The following PCDHGA2 variants were observed in gnomAD, a reference collection of about 807,000 sequenced individuals.
PCDHGA2 encodes the protein protocadherin gamma-A2.
PCDHGA2 carries 40 observed loss-of-function variants against 59.2 expected under a neutral mutation model. The observed-to-expected ratio is 0.68, with a 90% CI of 0.52 to 0.88. PCDHGA2 has a LOEUF of 0.88. PCDHGA2 is among the 40% of genes least tolerant of loss of function. The probability of loss-of-function intolerance (pLI) is 0.00; values close to 1 mark genes in which losing one functional copy is unlikely to be tolerated. For synonymous variants in PCDHGA2, 560 were observed against 526.0 expected (o/e 1.06, Z -0.89); for missense variants, 1,226 against 1,204.0 (o/e 1.02, Z -0.27).
Position 141,393,949 on chromosome 5 carries a change from A to G in PCDHGA2, c.2424+52554A>G, listed in dbSNP as rs370166968. 2.5e-6 allele frequency: 4 copies of G among 1,613,874 alleles called. No individual in the cohort carries two copies. The highest frequency in any genetic ancestry group is 3.4e-6 in the Non-Finnish European group (4 of 1,179,890). Reference sequence around the variant, plus strand: ...GTGCATGACCAAGACTCTGGAAAGAATGGTCAAGTTGTCTGTTACACACGT... The same window carrying G: ...GTGCATGACCAAGACTCTGGAAAGAGTGGTCAAGTTGTCTGTTACACACGT... On this transcript the variant is annotated intron_variant, in intron 1 of 3. Coordinates refer to ENST00000394576, the MANE Select transcript of PCDHGA2 (RefSeq NM_018915.4).
intron 1 of PCDHGA2, chr5:141,377,300 T>A (rs929187277): frequency 3.3e-5 from 5 of 152,140 alleles, no homozygotes; most frequent in Admixed American, 2.6e-4. Flanking sequence ...TTTAGGTCAG[T>A]GTTAAAGATC....
intron 1 of PCDHGA2, among the ~76,000 whole-genome samples, chr5:141,481,749 C>G (rs958851030): frequency 7.9e-5 from 12 of 151,976 alleles, no homozygotes; most frequent in African/African-American, 2.9e-4. Context: ...GTCAGGAGTC[C>G]AAGACCAGCC....
At chr5:141,341,756 G>T in intron 1 of PCDHGA2, 1 of 397,388 alleles carries the variant, frequency 2.5e-6, no homozygotes. Flanking sequence ...AAAGATTGGA[G>T]TTTATGTTTA....
intron 1 of PCDHGA2, chr5:141,479,750 G>T: frequency 6.6e-6 from 1 of 152,310 alleles, no homozygotes. Context: ...CAATGTGAAA[G>T]GTAGATAAAT....
At chr5:141,386,956 G>A (rs1561613070) in intron 1 of PCDHGA2, among the ~76,000 whole-genome samples, 1 of 152,208 alleles carries the variant, frequency 6.6e-6, no homozygotes, top group Non-Finnish European at 1.5e-5. Context: ...CTTCAGTGCA[G>A]CAGATCTCAG....
chr5:141,404,838 C>T (rs1561696680), intron 1 of PCDHGA2: 1 of 1,613,850 alleles, frequency 6.2e-7, no homozygotes, highest in East Asian at 2.2e-5. Flanking sequence ...GTGCGCACAG[C>T]TCGGGCCCTG....
intron 1 of PCDHGA2, chr5:141,365,145 G>C (rs754518751): frequency 6.2e-7 from 1 of 1,613,864 alleles, no homozygotes; most frequent in Admixed American, 1.7e-5. Context: ...CCAGATGAGG[G>C]AATAAACGGG....
chr5:141,385,264 G>T (rs879420336), intron 1 of PCDHGA2: 21 of 1,613,712 alleles, frequency 1.3e-5, no homozygotes, highest in Non-Finnish European at 1.6e-5. Flanking sequence ...TGAGAAAAAT[G>T]ATTCTTTGCT....
In PCDHGA2 at chr5:141,399,103, C is replaced by G. The variant is rs376000100; in HGVS notation, c.2424+57708C>G. The G allele has an allele frequency of 1.6e-5, 26 of 1,613,722 alleles. No homozygotes were observed. The South Asian group carries it at 2.9e-4, about 18-fold the overall frequency. On this transcript the variant is annotated intron_variant, in intron 1 of 3. Transcript: ENST00000394576. ...GAGGGATGGTGGTGGACTGGTTGCA[C>G]AATGTACAGTTGAAATTAATATTCA... is the stretch of plus-strand genomic sequence containing the variant.
intron 1 of PCDHGA2, chr5:141,433,041 C>G (rs1171788078): frequency 6.2e-7 from 1 of 1,614,036 alleles, no homozygotes; most frequent in Non-Finnish European, 8.5e-7. Flanking sequence ...TCCCTCACCA[C>G]GGACTCGCGG....
intron 1 of PCDHGA2, among the ~76,000 whole-genome samples, chr5:141,460,003 A>AG (rs1177398494): frequency 6.6e-6 from 1 of 152,186 alleles, no homozygotes; most frequent in African/African-American, 2.4e-5. Context: ...GCTTGAACCC[A>AG]GGAGGCGGAG....
intron 1 of PCDHGA2, chr5:141,405,448 C>A: frequency 5.3e-6 from 7 of 1,314,660 alleles, no homozygotes; most frequent in South Asian, 1.3e-5. Context: ...GAGACAGAGT[C>A]TTACTCTGTT....
chr5:141,352,327 T>G, intron 1 of PCDHGA2: 2 of 1,614,074 alleles, frequency 1.2e-6, no homozygotes, highest in Middle Eastern at 1.6e-4. Flanking sequence ...TTTACCTGGT[T>G]GTGGCCTTGG....
intron 1 of PCDHGA2, chr5:141,382,673 A>G: frequency 2.3e-6 from 1 of 437,012 alleles, no homozygotes; most frequent in Non-Finnish European, 4.0e-6. Context: ...GCCGCTGTTC[A>G]CCAACCAGGG....
rs991775237 is a variant in PCDHGA2 at position 141,339,518 on chromosome 5, C to A, written c.547C>A (p.Arg183=). 7.4e-6 allele frequency: 12 copies of A among 1,614,084 alleles called. No homozygotes were observed. Among genetic ancestry groups the A allele is most frequent in the Non-Finnish European group, 9.3e-6 (11 of 1,180,020 alleles). ...AAATGACCACTTCTCCCTGGACGTG[C>A]GAAGGGGAGCTGATGGGAACAAGTA... is the stretch of plus-strand genomic sequence containing the variant. ...NPNDHFSLDV[R]RGADGNKYPE... is the part of the protein sequence containing the mutation. Residue 183 remains arginine, a synonymous_variant, in exon 1 of 4, where the codon CGA becomes AGA. Coordinates refer to ENST00000394576, the MANE Select transcript of PCDHGA2 (RefSeq NM_018915.4).
Position 141,432,563 on chromosome 5 carries a change from G to T in PCDHGA2, c.2425-62244G>T. 2 of 1,613,912 alleles carry T rather than the reference G, an allele frequency of 1.2e-6. No homozygotes were observed. Among genetic ancestry groups the T allele is most frequent in the Non-Finnish European group, 1.7e-6 (2 of 1,179,996 alleles). The stretch of plus-strand genomic sequence containing the variant: ...GGTGGACAGAGACTCCGGCCAGAAC[G>T]CCTGGCTGTCCTACCGTCTGCTCAA... On this transcript the variant is annotated intron_variant, in intron 1 of 3. Transcript: ENST00000394576. The surrounding 1 kb of genome is among the most constrained non-coding windows in gnomAD (Gnocchi z 6.0).
In PCDHGA2 at chr5:141,415,309, G is replaced by C. The variant is rs199689792; in HGVS notation, c.2424+73914G>C. 3.4e-5 allele frequency: 55 copies of C among 1,614,098 alleles called. No homozygotes were observed. Among genetic ancestry groups the C allele is most frequent in the Middle Eastern group, 1.6e-4 (1 of 6,084 alleles). On this transcript the variant is annotated intron_variant, in intron 1 of 3. Transcript: ENST00000394576. ...GGTCTCCTGCGTCTTCCTGGCCTTC[G>C]TCATCGTGCTGCTGGCGCACAGGCT...
chr5:141,374,117 G>C, intron 1 of PCDHGA2: 2 of 1,587,566 alleles, frequency 1.3e-6, no homozygotes, highest in Non-Finnish European at 1.7e-6. Context: ...GCAGCGCAGC[G>C]AGCAGGTCCT....
intron 1 of PCDHGA2, chr5:141,345,504 T>C (rs1423461446): frequency 1.9e-6 from 3 of 1,614,130 alleles, no homozygotes; most frequent in East Asian, 2.2e-5. Context: ...CACTTATGCA[T>C]TGACCGAGGA....
Sources: allele counts gnomAD v4.1 joint callset (sites outside exome capture counted in the v4.1 genomes callset), GRCh38; gene constraint gnomAD v4.1.1; non-coding constraint Gnocchi (gnomAD v3.1); transcripts MANE v1.5; gene names NCBI Gene and HGNC (gene_info 2026-07-23, HGNC 2026-07-21).